CNTNAP2: variants seen among roughly 807,000 people sequenced by gnomAD.
The protein encoded by CNTNAP2 is contactin associated protein 2.
Under a neutral mutation model 155.2 loss-of-function variants are expected in CNTNAP2, and 98 were observed. The observed-to-expected ratio is 0.63, with a 90% CI of 0.54 to 0.75. CNTNAP2 has a LOEUF of 0.75. Ranked by LOEUF, CNTNAP2 falls within the 30% of genes least tolerant of loss-of-function variation. The pLI, the probability that CNTNAP2 is intolerant of heterozygous loss-of-function variation, is 0.00. For missense variants in CNTNAP2, 1,727 were observed against 1,688.1 expected (o/e 1.02, Z -0.40); for synonymous variants, 651 against 631.2 (o/e 1.03, Z -0.47).
chr7:147,665,035 C>G (rs543265998), intron 13 of CNTNAP2, among the ~76,000 whole-genome samples: 2 of 152,134 alleles, frequency 1.3e-5, no homozygotes, highest in Non-Finnish European at 2.9e-5. Context: ...GTTGTAGATG[C>G]AAAGTTTGAT....
At chr7:146,279,869 C>T (rs1375300939) in intron 1 of CNTNAP2, among the ~76,000 whole-genome samples, 1 of 151,370 alleles carries the variant, frequency 6.6e-6, no homozygotes, top group Admixed American at 6.6e-5. Context: ...GGATATTAGA[C>T]ATCTAAAACA....
At chr7:146,645,255 C>A (rs887199240) in intron 1 of CNTNAP2, among the ~76,000 whole-genome samples, 2 of 152,128 alleles carry the variant, frequency 1.3e-5, no homozygotes, top group Non-Finnish European at 2.9e-5. Context: ...AGAAAAAAAT[C>A]ATGGCTATGG....
chr7:146,454,032 TAGA>T (rs1345656283), intron 1 of CNTNAP2, among the ~76,000 whole-genome samples: 2 of 151,930 alleles, frequency 1.3e-5, no homozygotes, highest in Admixed American at 6.5e-5. Flanking sequence ...TCAAAAAAAA[TAGA>T]AGTTCAAAAA....
rs1799731246 is a variant in CNTNAP2 at position 148,407,582 on chromosome 7, T to C, written c.3716-1809T>C. 2.0e-5 allele frequency among the ~76,000 whole-genome samples: 3 copies of C among 151,946 alleles called. No homozygotes were observed. The South Asian group carries it at 6.2e-4, about 32-fold the overall frequency. On this transcript the variant is annotated intron_variant, in intron 22 of 23. Coordinates refer to ENST00000361727, the MANE Select transcript of CNTNAP2 (RefSeq NM_014141.6). ...TGCCAGGTGTGATAGTGCATGGCTG[T>C]GGTCCCAGCTACTCAGGAGTCTGAG...
At chr7:147,735,139 G>C (rs1796818475) in intron 13 of CNTNAP2, among the ~76,000 whole-genome samples, 1 of 151,954 alleles carries the variant, frequency 6.6e-6, no homozygotes, top group Non-Finnish European at 1.5e-5. Context: ...GATCTTTCCT[G>C]CTTTCTCTTG....
chr7:147,175,773 C>G (rs912554849), intron 8 of CNTNAP2, among the ~76,000 whole-genome samples: 2 of 152,172 alleles, frequency 1.3e-5, no homozygotes, highest in Admixed American at 6.5e-5. Flanking sequence ...TTCCTGGTAT[C>G]TGTGTTCATC....
At chr7:146,890,434 C>T (rs1251026373) in intron 3 of CNTNAP2, among the ~76,000 whole-genome samples, 1 of 152,106 alleles carries the variant, frequency 6.6e-6, no homozygotes, top group Non-Finnish European at 1.5e-5. Flanking sequence ...GCCAGCTTTT[C>T]AACATAGACA....
chr7:148,329,841 C>A (rs2116553929), intron 21 of CNTNAP2, among the ~76,000 whole-genome samples: 1 of 152,008 alleles, frequency 6.6e-6, no homozygotes, highest in South Asian at 2.1e-4. Flanking sequence ...TCTCTTCACC[C>A]TCGAAGCTTT....
chr7:146,385,878 A>G (rs1795452997), intron 1 of CNTNAP2, among the ~76,000 whole-genome samples: 1 of 152,358 alleles, frequency 6.6e-6, no homozygotes, highest in Non-Finnish European at 1.5e-5. Flanking sequence ...GTTTTAAAGG[A>G]TAGATAAAGT....
At chr7:147,158,489 C>T (rs527538162) in intron 8 of CNTNAP2, among the ~76,000 whole-genome samples, 136 of 152,182 alleles carry the variant, frequency 8.9e-4, no homozygotes, top group African/African-American at 3.2e-3. Flanking sequence ...AAAGGAACTA[C>T]TTTTTTCACA....
intron 21 of CNTNAP2, among the ~76,000 whole-genome samples, chr7:148,316,828 A>G (rs1457145864): frequency 6.6e-6 from 1 of 152,232 alleles, no homozygotes. Flanking sequence ...CAGTGTATAT[A>G]TTATTAAAGA....
intron 13 of CNTNAP2, among the ~76,000 whole-genome samples, chr7:147,722,383 T>C (rs902011833): frequency 6.6e-6 from 1 of 152,138 alleles, no homozygotes; most frequent in Non-Finnish European, 1.5e-5. Flanking sequence ...AGGAGATTTA[T>C]GTAGATGATA....
intron 12 of CNTNAP2, among the ~76,000 whole-genome samples, chr7:147,602,532 A>C (rs1800970408): frequency 6.6e-6 from 1 of 151,172 alleles, no homozygotes; most frequent in African/African-American, 2.4e-5. Flanking sequence ...GTACATGTGC[A>C]TAATGTGCAG....
intron 15 of CNTNAP2, among the ~76,000 whole-genome samples, chr7:148,030,594 G>A (rs543735222): frequency 2.6e-5 from 4 of 151,336 alleles, no homozygotes; most frequent in South Asian, 2.1e-4. Flanking sequence ...TAGTTCTTCC[G>A]GTTCTGGGCC....
chr7:146,930,585 A>G (rs1361607850), intron 3 of CNTNAP2, among the ~76,000 whole-genome samples: 1 of 152,222 alleles, frequency 6.6e-6, no homozygotes, highest in Non-Finnish European at 1.5e-5. Context: ...ACGCATAACA[A>G]TATTAACTTT....
chr7:146,826,030 G>A (rs1803393472), intron 2 of CNTNAP2, among the ~76,000 whole-genome samples: 1 of 151,870 alleles, frequency 6.6e-6, no homozygotes, highest in Admixed American at 6.6e-5. Context: ...TTGCTATTCT[G>A]CATTTTTTTC....
chr7:147,912,264 A>G (rs1800080272), intron 14 of CNTNAP2, among the ~76,000 whole-genome samples: 1 of 152,160 alleles, frequency 6.6e-6, no homozygotes. Context: ...ATTGATTCCA[A>G]TTACACCCAA....
At chr7:147,054,726 AAAT>A (rs1334534536) in intron 4 of CNTNAP2, among the ~76,000 whole-genome samples, 1 of 152,146 alleles carries the variant, frequency 6.6e-6, no homozygotes, top group Non-Finnish European at 1.5e-5. Flanking sequence ...CAACATAATA[AAAT>A]AATTATTTAG....
At chr7:146,905,823 G>C (rs1471841411) in intron 3 of CNTNAP2, among the ~76,000 whole-genome samples, 1 of 152,152 alleles carries the variant, frequency 6.6e-6, no homozygotes, top group Admixed American at 6.5e-5. Flanking sequence ...AACAGCTCCG[G>C]GTCTACAGCT....
Sources: allele counts gnomAD v4.1 joint callset (sites outside exome capture counted in the v4.1 genomes callset), GRCh38; gene constraint gnomAD v4.1.1; transcripts MANE v1.5; gene names NCBI Gene and HGNC (gene_info 2026-07-23, HGNC 2026-07-21).